The following OPHN1 variants were observed in gnomAD, a reference collection of about 807,000 sequenced individuals.
The protein encoded by OPHN1 is oligophrenin 1, also known as oligophrenin-1.
In OPHN1, 11 loss-of-function variants were observed where a neutral mutation model predicts 60.7. The observed-to-expected ratio is 0.18, with a 90% CI of 0.11 to 0.30. OPHN1 has a LOEUF of 0.30. Among genes scored for constraint, OPHN1 ranks in the 10% least tolerant of loss-of-function variants. The probability of loss-of-function intolerance (pLI) is 1.00; values close to 1 mark genes in which losing one functional copy is unlikely to be tolerated. For synonymous variants in OPHN1, 226 were observed against 222.6 expected (o/e 1.02, Z -0.14); for missense variants, 449 against 611.0 (o/e 0.73, Z 2.80).
Position 68,317,015 on chromosome X carries a change from C to G in OPHN1, c.155-17919G>C, listed in dbSNP as rs757731671. The stretch of plus-strand genomic sequence containing the variant: ...ATGAAATCAAACTAGAAATCAGTAA[C>G]AGGCTGGGCACGGTGGCACAAGCCT... On this transcript the variant is annotated intron_variant, in intron 2 of 24. Transcript: ENST00000355520. Among the ~76,000 whole-genome samples the G allele has an allele frequency of 1.9e-4, 21 of 110,484 alleles. No individual in the cohort carries two copies. In the Admixed American group the frequency reaches 1.9e-3, roughly 10 times the overall value.
At chrX:68,367,456 A>G (rs991885386) in intron 2 of OPHN1, among the ~76,000 whole-genome samples, 12 of 110,319 alleles carry the variant, frequency 1.1e-4, no homozygotes, top group Non-Finnish European at 1.9e-4. Context: ...ATGCTGAATC[A>G]TAAAACAGGT....
intron 18 of OPHN1, among the ~76,000 whole-genome samples, chrX:68,109,827 T>A (rs1230210983): frequency 9.0e-6 from 1 of 111,339 alleles, no homozygotes; most frequent in African/African-American, 3.3e-5. Context: ...CCTCATTCTT[T>A]TCTTAAATTA....
intron 2 of OPHN1, among the ~76,000 whole-genome samples, chrX:68,370,011 A>ATT (rs1412788767): frequency 3.1e-5 from 2 of 64,356 alleles, no homozygotes; most frequent in South Asian, 9.1e-4. Context: ...AAATTGCTGA[A>ATT]ATATATATAT....
At chrX:68,203,780 C>T (rs1360224381) in intron 10 of OPHN1, among the ~76,000 whole-genome samples, 1 of 111,865 alleles carries the variant, frequency 8.9e-6, no homozygotes, top group Non-Finnish European at 1.9e-5. Flanking sequence ...CTATATTAAT[C>T]GCTCCACCCA....
chrX:68,215,556 G>A (rs904209680), intron 6 of OPHN1, among the ~76,000 whole-genome samples: 1 of 111,331 alleles, frequency 9.0e-6, no homozygotes, highest in East Asian at 2.8e-4. Context: ...CAATCCCCAT[G>A]TAGGTATATG....
At chrX:68,162,991 T>A (rs2077341405) in intron 15 of OPHN1, among the ~76,000 whole-genome samples, 1 of 111,275 alleles carries the variant, frequency 9.0e-6, no homozygotes, top group Non-Finnish European at 1.9e-5. Flanking sequence ...ATTTAAAACC[T>A]GCTAGTACTT....
At chrX:68,273,583 A>C (rs2077979254) in intron 5 of OPHN1, among the ~76,000 whole-genome samples, 1 of 112,474 alleles carries the variant, frequency 8.9e-6, no homozygotes, top group South Asian at 3.7e-4. Context: ...CACAGTAGCT[A>C]CTAGACACAA....
At chrX:68,405,145 T>G (rs752292785) in intron 2 of OPHN1, among the ~76,000 whole-genome samples, 3 of 112,526 alleles carry the variant, frequency 2.7e-5, no homozygotes, top group Admixed American at 9.4e-5. Context: ...ACATTTGAAA[T>G]AATAATGTCC....
At chrX:68,187,738 C>A (rs986349721) in intron 15 of OPHN1, among the ~76,000 whole-genome samples, 1 of 110,284 alleles carries the variant, frequency 9.1e-6, no homozygotes, top group African/African-American at 3.3e-5. Flanking sequence ...CGCCATTCTC[C>A]TGCCTCAGCC....
At chrX:68,106,411 C>A (rs2077082291) in intron 18 of OPHN1, among the ~76,000 whole-genome samples, 1 of 111,195 alleles carries the variant, frequency 9.0e-6, no homozygotes, top group African/African-American at 3.3e-5. Flanking sequence ...GTGAACCTTT[C>A]ATCCAAGATG....
At position 68,433,031 on chromosome X, in the gene OPHN1, G is replaced by T; in HGVS notation, c.-4-7C>A. 8.4e-7 allele frequency: 1 copy of T among 1,194,633 alleles called. No individual in the cohort carries two copies. Among genetic ancestry groups the T allele is most frequent in the Non-Finnish European group, 1.1e-6 (1 of 885,924 alleles). The stretch of plus-strand genomic sequence containing the variant: ...CGGGGGATGACCCATGGTTCTGATG[G>T]CCGGGAGTAGGGGGAAAGGGGAAAG... On this transcript the variant is annotated splice_region_variant and splice_polypyrimidine_tract_variant and intron_variant, in intron 1 of 24. Transcript: ENST00000355520.
chrX:68,054,662 G>T (rs553246951), intron 21 of OPHN1, among the ~76,000 whole-genome samples: 1 of 110,962 alleles, frequency 9.0e-6, no homozygotes, highest in South Asian at 3.8e-4. Flanking sequence ...AACCATAAAG[G>T]CTAAACAAAC....
At chrX:68,057,386 G>A (rs1319402880) in intron 21 of OPHN1, among the ~76,000 whole-genome samples, 1 of 111,571 alleles carries the variant, frequency 9.0e-6, no homozygotes, top group African/African-American at 3.3e-5. Flanking sequence ...GCAGAGCTGA[G>A]AGTGCTGCCC....
chrX:68,227,339 A>T (rs1243078035), intron 6 of OPHN1, among the ~76,000 whole-genome samples: 1 of 111,000 alleles, frequency 9.0e-6, no homozygotes, highest in Admixed American at 9.6e-5. Flanking sequence ...TCAACATTAA[A>T]CAGATCAACG....
chrX:68,181,296 C>T (rs2077435638), intron 15 of OPHN1, among the ~76,000 whole-genome samples: 1 of 111,284 alleles, frequency 9.0e-6, no homozygotes, highest in East Asian at 2.8e-4. Context: ...ATACTAAGGA[C>T]TAAAATCCTT....
chrX:68,267,776 T>C (rs2077940111), intron 5 of OPHN1, among the ~76,000 whole-genome samples: 3 of 111,274 alleles, frequency 2.7e-5, no homozygotes, highest in East Asian at 2.8e-4. Context: ...ACAAAACTGA[T>C]AGACCGCTAG....
At chrX:68,223,770 T>C (rs2077675621) in intron 6 of OPHN1, among the ~76,000 whole-genome samples, 1 of 111,404 alleles carries the variant, frequency 9.0e-6, no homozygotes, top group South Asian at 3.8e-4. Flanking sequence ...CATGCTAACA[T>C]TAATCAAAAG....
chrX:68,128,117 A>G (rs772985892), intron 15 of OPHN1, among the ~76,000 whole-genome samples: 70 of 109,089 alleles, frequency 6.4e-4, no homozygotes, highest in African/African-American at 2.1e-3. Context: ...TGGTGTGGTC[A>G]TGGCTCACTT....
At chrX:68,267,963 AC>A (rs1327842887) in intron 5 of OPHN1, among the ~76,000 whole-genome samples, 2 of 111,650 alleles carry the variant, frequency 1.8e-5, no homozygotes, top group Non-Finnish European at 3.8e-5. Flanking sequence ...CGACACATAT[AC>A]CCTCCCAAGA....
Sources: allele counts gnomAD v4.1 joint callset (sites outside exome capture counted in the v4.1 genomes callset), GRCh38; gene constraint gnomAD v4.1.1; transcripts MANE v1.5; gene names NCBI Gene and HGNC (gene_info 2026-07-23, HGNC 2026-07-21).